The following WIPI2 variants were observed in gnomAD, a reference collection of about 807,000 sequenced individuals.
WIPI2 encodes the protein WD repeat domain, phosphoinositide interacting 2.
Under a neutral mutation model 52.3 loss-of-function variants are expected in WIPI2, and 28 were observed. That is an observed-to-expected ratio of 0.54 (90% CI 0.40 to 0.73). WIPI2 has a LOEUF of 0.73. Ranked by LOEUF, WIPI2 falls within the 30% of genes least tolerant of loss-of-function variation. The pLI is 0.00. For missense variants in WIPI2, 506 were observed against 602.9 expected, an observed-to-expected ratio of 0.84 and a Z score of 1.68; for synonymous variants, 268 against 245.0, an observed-to-expected ratio of 1.09 and a Z score of -0.88.
rs1043416250 is a variant in WIPI2 at position 5,232,593 on chromosome 7, T to A, written c.*1646T>A. On this transcript the variant is annotated 3_prime_UTR_variant, in exon 13 of 13. Coordinates refer to ENST00000288828, the MANE Select transcript of WIPI2 (RefSeq NM_015610.4). ...GGGGACCGCCGAGGCCAGAGTGGGCTATGCTTGAGCAGGGATGAGAAGGGC... is the reference window on the plus strand; with the variant it reads ...GGGGACCGCCGAGGCCAGAGTGGGCAATGCTTGAGCAGGGATGAGAAGGGC... 3 of 334,094 alleles carry A rather than the reference T, an allele frequency of 9.0e-6. No individual in the cohort carries two copies. 20.7% of individuals were successfully genotyped at this position (334,094 alleles called of 1,614,324 possible).
At chr7:5,209,275 G>A (rs944358290) in intron 3 of WIPI2, among the ~76,000 whole-genome samples, 1 of 152,130 alleles carries the variant, frequency 6.6e-6, no homozygotes, top group Non-Finnish European at 1.5e-5. Flanking sequence ...TCTAATGTTT[G>A]TGCCTTTTAT....
At chr7:5,222,534 G>C in intron 7 of WIPI2, 68 bp from the exon 8 acceptor site, 1 of 1,499,646 alleles carries the variant, frequency 6.7e-7, no homozygotes. Flanking sequence ...TTTGCAGTCT[G>C]CTGTGAAAGA....
chr7:5,207,499 A>T (rs1209656326), intron 3 of WIPI2, among the ~76,000 whole-genome samples: 1 of 152,184 alleles, frequency 6.6e-6, no homozygotes, highest in Non-Finnish European at 1.5e-5. Flanking sequence ...CAGTATGTGA[A>T]TATATGACAG....
At chr7:5,198,416 C>T (rs1226121212) in intron 2 of WIPI2, among the ~76,000 whole-genome samples, 3 of 151,932 alleles carry the variant, frequency 2.0e-5, no homozygotes, top group Admixed American at 6.6e-5. Context: ...CAGGTTCAAG[C>T]AATTCTGCTG....
At chr7:5,193,872 C>T (rs112329298) in intron 2 of WIPI2, among the ~76,000 whole-genome samples, 18 of 152,264 alleles carry the variant, frequency 1.2e-4, no homozygotes, top group Admixed American at 2.6e-4. Flanking sequence ...CCGTTGTGCC[C>T]GGCCTGAAGA....
Position 5,207,616 on chromosome 7 carries a change from AT to A in WIPI2, c.212-6915del, listed in dbSNP as rs370745004. Among the ~76,000 whole-genome samples the A allele has an allele frequency of 5.6e-3, 846 of 152,090 alleles. 7 individuals are homozygous for A. The highest frequency in any genetic ancestry group is 0.02 in the African/African-American group (823 of 41,484). On this transcript the variant is annotated intron_variant, in intron 3 of 12. Coordinates refer to ENST00000288828, the MANE Select transcript of WIPI2 (RefSeq NM_015610.4). ...CGTACAAGTCTTTTAATGGACAGATATTTTCACTTAGATAAATATTGTAGTG... is the reference window on the plus strand; with the variant it reads ...CGTACAAGTCTTTTAATGGACAGATATTTCACTTAGATAAATATTGTAGTG...
chr7:5,193,635 T>C (rs916503741), intron 2 of WIPI2, among the ~76,000 whole-genome samples: 1 of 152,242 alleles, frequency 6.6e-6, no homozygotes, highest in Non-Finnish European at 1.5e-5. Flanking sequence ...GGCATAGTTA[T>C]AATGATCATA....
intron 7 of WIPI2, chr7:5,218,276 G>C: frequency 2.5e-6 from 1 of 397,314 alleles, no homozygotes; most frequent in South Asian, 3.0e-5. Context: ...AGTGCCGTGT[G>C]TAACCACACC....
intron 3 of WIPI2, chr7:5,214,264 C>A: frequency 4.3e-6 from 6 of 1,408,414 alleles, no homozygotes; most frequent in Non-Finnish European, 5.6e-6. Context: ...CATTCAAATC[C>A]AGCAACAGAA....
chr7:5,224,078 A>AG (rs1391153732), intron 8 of WIPI2, among the ~76,000 whole-genome samples: 1 of 152,214 alleles, frequency 6.6e-6, no homozygotes, highest in African/African-American at 2.4e-5. Flanking sequence ...GATTAGCCCC[A>AG]GGCCCCTGCC....
In WIPI2 at chr7:5,191,476, G is replaced by A. The variant is rs117825665; in HGVS notation, c.74+983G>A. 8.7e-4 allele frequency among the ~76,000 whole-genome samples: 132 copies of A among 152,304 alleles called. 1 individual carries two copies. The East Asian group carries it at 0.024, about 27-fold the overall frequency. ...GGAGTCTCAGAGCTCCAGCGGGTGGGTCATCCTCAGGGCAAGAGAAGGCCT... is the reference window on the plus strand; with the variant it reads ...GGAGTCTCAGAGCTCCAGCGGGTGGATCATCCTCAGGGCAAGAGAAGGCCT... On this transcript the variant is annotated intron_variant, in intron 1 of 12. Transcript: ENST00000288828.
chr7:5,227,997 C>A lies in WIPI2; in HGVS notation c.1014-107C>A. 1 of 1,016,682 alleles carries A rather than the reference C, an allele frequency of 9.8e-7. No individual in the cohort carries two copies. Among genetic ancestry groups the A allele is most frequent in the Non-Finnish European group, 1.5e-6 (1 of 662,334 alleles). The allele number at this position is 1,016,682 out of a possible 1,614,324, so 63.0% of individuals were successfully genotyped here. ...AGACACCTGCAGCTGCCCTTGTGCTCATCTTGCTGGGGTCTCTTTCCTCGC... is the reference window on the plus strand; with the variant it reads ...AGACACCTGCAGCTGCCCTTGTGCTAATCTTGCTGGGGTCTCTTTCCTCGC... On this transcript the variant is annotated intron_variant, in intron 10 of 12. Transcript: ENST00000288828. The surrounding 1 kb of genome is among the most constrained non-coding windows in gnomAD (Gnocchi z 8.1).
At chr7:5,199,687 T>TA in intron 3 of WIPI2, 29 bp downstream of exon 3, 1 of 1,499,116 alleles carries the variant, frequency 6.7e-7, no homozygotes, top group Admixed American at 2.2e-5. Flanking sequence ...TTTCCCCTTC[T>TA]TAAAAAAAAA....
intron 8 of WIPI2, among the ~76,000 whole-genome samples, chr7:5,224,049 C>T (rs1783291300): frequency 4.6e-5 from 7 of 152,260 alleles, no homozygotes; most frequent in Admixed American, 4.6e-4. Context: ...ACATCTCCCA[C>T]CACACCTCTG....
intron 4 of WIPI2, among the ~76,000 whole-genome samples, chr7:5,215,307 G>C (rs975261565): frequency 1.3e-5 from 2 of 151,782 alleles, no homozygotes; most frequent in Admixed American, 6.6e-5. Context: ...GTGAGACTTC[G>C]TCTCAAAAAA....
chr7:5,231,282 T>G lies in WIPI2; in HGVS notation c.*335T>G. The G allele has an allele frequency of 4.5e-6, 1 of 220,038 alleles. No homozygotes were observed. The highest frequency in any genetic ancestry group is 9.0e-6 in the Non-Finnish European group (1 of 111,346). The allele number at this position is 220,038 out of a possible 1,614,324, so 13.6% of individuals were successfully genotyped here. On this transcript the variant is annotated 3_prime_UTR_variant, in exon 13 of 13. Transcript: ENST00000288828. ...CCAGCATAGGGGAGCTAGAAGCCACTTTCCAGCCACCTGCCGTTGGGTTTT... is the reference window on the plus strand; with the variant it reads ...CCAGCATAGGGGAGCTAGAAGCCACGTTCCAGCCACCTGCCGTTGGGTTTT...
intron 5 of WIPI2, 75 bp downstream of exon 5, chr7:5,216,734 T>A: frequency 1.4e-6 from 2 of 1,407,866 alleles, no homozygotes; most frequent in Non-Finnish European, 2.0e-6. Context: ...TGAGAGAGAT[T>A]TTTTCTTTTT....
chr7:5,194,926 C>A (rs1583536519), intron 2 of WIPI2, among the ~76,000 whole-genome samples: 2 of 152,278 alleles, frequency 1.3e-5, no homozygotes, highest in Middle Eastern at 6.8e-3. Context: ...GAATCCCCTC[C>A]AGGCTCAGGA....
chr7:5,227,476 T>G lies in WIPI2; in HGVS notation c.1013+132T>G. ...TTAGAGCCGACACTCCATCGAGAGT[T>G]GTCGGGGATGGGAGGTCCCCTGGCA... On this transcript the variant is annotated intron_variant, in intron 10 of 12. Coordinates refer to ENST00000288828, the MANE Select transcript of WIPI2 (RefSeq NM_015610.4). This position sits in a 1 kb window ranked among gnomAD's most constrained non-coding sequence, Gnocchi z 8.1. The G allele has an allele frequency of 7.7e-7, 1 of 1,295,560 alleles. No homozygotes were observed. Among genetic ancestry groups the G allele is most frequent in the Non-Finnish European group, 1.0e-6 (1 of 964,364 alleles). The allele number at this position is 1,295,560 out of a possible 1,614,324, so 80.3% of individuals were successfully genotyped here.
Sources: allele counts gnomAD v4.1 joint callset (sites outside exome capture counted in the v4.1 genomes callset), GRCh38; gene constraint gnomAD v4.1.1; non-coding constraint Gnocchi (gnomAD v3.1); transcripts MANE v1.5; gene names NCBI Gene and HGNC (gene_info 2026-07-23, HGNC 2026-07-21).